STRN: variants seen among roughly 807,000 people sequenced by gnomAD.
STRN encodes protein phosphatase 2 regulatory subunit B'''alpha.
Under a neutral mutation model 96.3 loss-of-function variants are expected in STRN, and 53 were observed. The ratio of observed to expected loss-of-function variants is 0.55; its 90% CI spans 0.44 to 0.69. The LOEUF (loss-of-function observed/expected upper bound fraction) is 0.69, where lower values mean the gene tolerates loss of function less well. Among genes scored for constraint, STRN ranks in the 30% least tolerant of loss-of-function variants. The pLI is 0.00. For synonymous variants in STRN, 428 were observed against 355.9 expected, an observed-to-expected ratio of 1.20 and a Z score of -2.28; for missense variants, 987 against 963.9, an observed-to-expected ratio of 1.02 and a Z score of -0.32.
In STRN at chr2:36,866,056, A is replaced by G. The variant is rs543993958; in HGVS notation, c.1547+1758T>C. ...CCATGTAACTGTATGGTTTTGAGCA[A>G]TCTTGGTATTGATTTCTATTATTTA... is the stretch of plus-strand genomic sequence containing the variant. On this transcript the variant is annotated intron_variant, in intron 12 of 17. Transcript: ENST00000263918. Among the ~76,000 whole-genome samples, 3 of 152,134 alleles carry G rather than the reference A, an allele frequency of 2.0e-5. No individual in the cohort carries two copies. The South Asian group carries it at 6.2e-4, about 32-fold the overall frequency.
intron 3 of STRN, among the ~76,000 whole-genome samples, chr2:36,913,942 C>G (rs62132550): frequency 6.6e-6 from 1 of 151,888 alleles, no homozygotes; most frequent in Non-Finnish European, 1.5e-5. Flanking sequence ...GCTTTTAAAG[C>G]GCAAGCCCCT....
intron 11 of STRN, among the ~76,000 whole-genome samples, chr2:36,868,254 G>GA (rs34989109): frequency 0.43 from 64,617 of 151,964 alleles, 15,754 homozygotes; most frequent in Admixed American, 0.55. Flanking sequence ...AAACAAAACA[G>GA]AAAAATGGGA....
In STRN at chr2:36,917,252, G is replaced by A. The variant is rs1670128817; in HGVS notation, c.339-1101C>T. ...TAAGAAAAGTAGTGGCTGGGCACGG[G>A]GGCTCATGCCTGTAATCCTAACACT... is the stretch of plus-strand genomic sequence containing the variant. On this transcript the variant is annotated intron_variant, in intron 2 of 17. Coordinates refer to ENST00000263918, the MANE Select transcript of STRN (RefSeq NM_003162.4). 2.0e-5 allele frequency among the ~76,000 whole-genome samples: 3 copies of A among 151,508 alleles called. No individual in the cohort carries two copies. The South Asian group carries it at 6.2e-4, about 31-fold the overall frequency.
chr2:36,910,330 GA>G (rs1205152815), intron 3 of STRN, among the ~76,000 whole-genome samples: 2 of 152,084 alleles, frequency 1.3e-5, no homozygotes, highest in African/African-American at 4.8e-5. Context: ...TGAGTATTGG[GA>G]ATTTTTTTTC....
intron 5 of STRN, among the ~76,000 whole-genome samples, chr2:36,901,975 A>G (rs1435301197): frequency 6.6e-6 from 1 of 152,206 alleles, no homozygotes; most frequent in Non-Finnish European, 1.5e-5. Context: ...TCAATTAACA[A>G]TCACGGAAAT....
At chr2:36,887,157 G>T (rs1159703021) in intron 7 of STRN, among the ~76,000 whole-genome samples, 2 of 151,462 alleles carry the variant, frequency 1.3e-5, no homozygotes, top group African/African-American at 2.4e-5. Context: ...GGCCAGGTGG[G>T]GTGGCTCACG....
chr2:36,951,702 C>T (rs1026460051), intron 1 of STRN, among the ~76,000 whole-genome samples: 5 of 152,208 alleles, frequency 3.3e-5, no homozygotes, highest in African/African-American at 1.2e-4. Flanking sequence ...GTGCCAGTCA[C>T]TCTACTGACC....
At chr2:36,876,840 T>C (rs935456158) in intron 10 of STRN, among the ~76,000 whole-genome samples, 1 of 151,730 alleles carries the variant, frequency 6.6e-6, no homozygotes, top group Non-Finnish European at 1.5e-5. Flanking sequence ...CTCTACCTCC[T>C]GGGTTCACGC....
At chr2:36,913,300 CTCTCTATCTACA>C (rs1670010101) in intron 3 of STRN, among the ~76,000 whole-genome samples, 1 of 152,172 alleles carries the variant, frequency 6.6e-6, no homozygotes, top group African/African-American at 2.4e-5. Flanking sequence ...CCCCAGCTAA[CTCTCTATCTACA>C]TCTGGAAACA....
chr2:36,902,584 G>T lies in STRN; in HGVS notation c.659C>A (p.Ala220Glu). 2 of 1,588,270 alleles carry T rather than the reference G, an allele frequency of 1.3e-6. No individual in the cohort carries two copies. The highest frequency in any genetic ancestry group is 1.3e-5 in the African/African-American group (1 of 74,366). ...EAEVKETAMI[A>E]KSELTDSASV... ...AACACTTTCCAGACAAAATACTTAC[G>T]CAATCATTGCTGTCTCTTTAACTTC... The change falls in exon 5 of 18, where the codon GCA becomes GAA. Residue 220 changes from alanine to glutamate, a missense_variant and splice_region_variant. Ala to Glu is a moderately radical substitution (Grantham distance 107). Coordinates refer to ENST00000263918, the MANE Select transcript of STRN (RefSeq NM_003162.4).
chr2:36,849,681 G>GACAAATAAATA, intron 17 of STRN, 33 bp downstream of exon 17: 1 of 1,613,534 alleles, frequency 6.2e-7, no homozygotes, highest in Non-Finnish European at 8.5e-7. Flanking sequence ...AAATGGTAAG[G>GACAAATAAATA]ACAAATAAAT....
At chr2:36,944,262 C>T (rs555558517) in intron 1 of STRN, among the ~76,000 whole-genome samples, 4 of 151,978 alleles carry the variant, frequency 2.6e-5, no homozygotes, top group East Asian at 3.9e-4. Flanking sequence ...AACGAAAAAA[C>T]GTTATAAAGA....
chr2:36,923,672 T>C (rs111563813), intron 2 of STRN, among the ~76,000 whole-genome samples: 2 of 152,192 alleles, frequency 1.3e-5, no homozygotes, highest in Non-Finnish European at 2.9e-5. Flanking sequence ...TTTCTCATTA[T>C]TCATAAATAT....
At chr2:36,963,155 A>G (rs1198455335) in intron 1 of STRN, among the ~76,000 whole-genome samples, 1 of 152,194 alleles carries the variant, frequency 6.6e-6, no homozygotes, top group African/African-American at 2.4e-5. Flanking sequence ...GGTTTTTGCT[A>G]TAACGTGGCC....
intron 10 of STRN, among the ~76,000 whole-genome samples, chr2:36,875,251 T>G (rs939852137): frequency 3.9e-5 from 6 of 152,096 alleles, no homozygotes; most frequent in African/African-American, 1.4e-4. Context: ...GGCTCATGCC[T>G]GTAATCCCAG....
intron 1 of STRN, among the ~76,000 whole-genome samples, chr2:36,931,175 T>G (rs1179342199): frequency 6.6e-6 from 1 of 152,112 alleles, no homozygotes; most frequent in Admixed American, 6.6e-5. Context: ...GTTTGGAGTC[T>G]TATACAGGCC....
chr2:36,848,353 T>C lies in STRN; in HGVS notation c.*1103A>G, dbSNP rs928551304. The C allele has an allele frequency of 2.6e-5, 4 of 152,210 alleles. No homozygotes were observed. Among genetic ancestry groups the C allele is most frequent in the South Asian group, 2.1e-4 (1 of 4,830 alleles). 9.4% of individuals were successfully genotyped at this position (152,210 alleles called of 1,614,324 possible). A position where few individuals can be genotyped will look rare whatever the true frequency, so the allele number is the denominator to read the frequency against. ...CTAGGGTACAAAATATTTGTTTTTATTAGTGCTTCTGCAAAAGCAGCTGCG... is the reference window on the plus strand; with the variant it reads ...CTAGGGTACAAAATATTTGTTTTTACTAGTGCTTCTGCAAAAGCAGCTGCG... On this transcript the variant is annotated 3_prime_UTR_variant, in exon 18 of 18. Transcript: ENST00000263918.
At chr2:36,912,095 T>A (rs1225975617) in intron 3 of STRN, among the ~76,000 whole-genome samples, 1 of 152,172 alleles carries the variant, frequency 6.6e-6, no homozygotes, top group African/African-American at 2.4e-5. Context: ...CTCCTGGTAA[T>A]GATAAAAGAC....
At chr2:36,877,796 A>C in intron 10 of STRN, 95 bp downstream of exon 10, 2 of 1,445,656 alleles carry the variant, frequency 1.4e-6, no homozygotes, top group South Asian at 1.3e-5. Context: ...TCGGCCTCCC[A>C]AAGTGCTGGA....
Sources: allele counts gnomAD v4.1 joint callset (sites outside exome capture counted in the v4.1 genomes callset), GRCh38; gene constraint gnomAD v4.1.1; transcripts MANE v1.5; gene names NCBI Gene and HGNC (gene_info 2026-07-23, HGNC 2026-07-21).